MB21D2: variants seen among roughly 807,000 people sequenced by gnomAD.
The protein encoded by MB21D2 is Mab-21 domain containing 2.
A neutral mutation model predicts 33.3 loss-of-function variants in MB21D2; 9 were observed. That is an observed-to-expected ratio of 0.27 (90% confidence interval 0.16 to 0.47). The LOEUF (loss-of-function observed/expected upper bound fraction) is 0.47. Among genes scored for constraint, MB21D2 ranks in the 20% least tolerant of loss-of-function variants. The probability of loss-of-function intolerance (pLI) is 0.99; values close to 1 mark genes in which losing one functional copy is unlikely to be tolerated. For synonymous variants in MB21D2, 241 were observed against 236.3 expected, an observed-to-expected ratio of 1.02 and a Z score of -0.18; for missense variants, 540 against 624.6, an observed-to-expected ratio of 0.86 and a Z score of 1.44.
At chr3:192,875,032 A>C (rs1713399909) in intron 1 of MB21D2, among the ~76,000 whole-genome samples, 1 of 151,328 alleles carries the variant, frequency 6.6e-6, no homozygotes, top group Non-Finnish European at 1.5e-5. Context: ...AAAACAAAAA[A>C]CTCTTCTATT....
intron 1 of MB21D2, among the ~76,000 whole-genome samples, chr3:192,863,994 A>C (rs931240808): frequency 7.9e-5 from 12 of 152,302 alleles, no homozygotes; most frequent in African/African-American, 2.9e-4. Flanking sequence ...ACTCCCCACC[A>C]AGAAAATGTA....
At chr3:192,872,641 A>C (rs1435514747) in intron 1 of MB21D2, among the ~76,000 whole-genome samples, 1 of 152,132 alleles carries the variant, frequency 6.6e-6, no homozygotes, top group African/African-American at 2.4e-5. Flanking sequence ...AGAGAAAAGA[A>C]TCATGGATGA....
intron 1 of MB21D2, among the ~76,000 whole-genome samples, chr3:192,879,110 T>A (rs1178418299): frequency 6.6e-6 from 1 of 152,110 alleles, no homozygotes; most frequent in Admixed American, 6.5e-5. Flanking sequence ...TCCCTAAAAT[T>A]CACACTGATT....
chr3:192,831,696 C>T (rs921302743), intron 1 of MB21D2, among the ~76,000 whole-genome samples: 1 of 151,940 alleles, frequency 6.6e-6, no homozygotes, highest in South Asian at 2.1e-4. Flanking sequence ...TTCTAAGGTG[C>T]CTACTATTAT....
intron 1 of MB21D2, among the ~76,000 whole-genome samples, chr3:192,846,470 A>G (rs58934028): frequency 0.011 from 1,671 of 152,256 alleles, 103 homozygotes; most frequent in Admixed American, 0.098. Context: ...CCCTGCCCCA[A>G]TGCCACAAAC....
At chr3:192,854,686 G>C (rs1321407634) in intron 1 of MB21D2, among the ~76,000 whole-genome samples, 1 of 152,192 alleles carries the variant, frequency 6.6e-6, no homozygotes, top group Admixed American at 6.5e-5. Flanking sequence ...TAAAGGGCAG[G>C]CTGACTCTCT....
At chr3:192,910,298 CAAA>C (rs747554734) in intron 1 of MB21D2, among the ~76,000 whole-genome samples, 1 of 52,290 alleles carries the variant, frequency 1.9e-5, no homozygotes, top group Non-Finnish European at 5.1e-5. Context: ...ACCATCTCTA[CAAA>C]AAAAAAAAAA....
chr3:192,872,718 C>T (rs1713337683), intron 1 of MB21D2, among the ~76,000 whole-genome samples: 1 of 152,148 alleles, frequency 6.6e-6, no homozygotes, highest in African/African-American at 2.4e-5. Flanking sequence ...TTTCTCTGGG[C>T]TCATCTTTGG....
chr3:192,822,461 T>A (rs1456990809), intron 1 of MB21D2, among the ~76,000 whole-genome samples: 1 of 123,176 alleles, frequency 8.1e-6, no homozygotes, highest in Non-Finnish European at 1.8e-5. Flanking sequence ...CCCTTTTGGA[T>A]ATCCACATAG....
chr3:192,904,921 C>T (rs568098585), intron 1 of MB21D2, among the ~76,000 whole-genome samples: 1 of 152,328 alleles, frequency 6.6e-6, no homozygotes, highest in African/African-American at 2.4e-5. Context: ...CTAGGTGGAC[C>T]ATCTTTCTCA....
chr3:192,837,656 C>T (rs1560235483), intron 1 of MB21D2, among the ~76,000 whole-genome samples: 1 of 152,210 alleles, frequency 6.6e-6, no homozygotes, highest in Non-Finnish European at 1.5e-5. Flanking sequence ...GGGCCGTCTG[C>T]ATCTGAATCA....
At chr3:192,845,881 T>G (rs1712670959) in intron 1 of MB21D2, among the ~76,000 whole-genome samples, 4 of 151,956 alleles carry the variant, frequency 2.6e-5, no homozygotes, top group Non-Finnish European at 4.4e-5. Context: ...GAGTTCGAGA[T>G]CAGCCTGGGC....
At position 192,803,538 on chromosome 3, in the gene MB21D2, C is replaced by T. The variant is rs900773296; in HGVS notation, c.212-3888G>A. 3.9e-5 allele frequency among the ~76,000 whole-genome samples: 6 copies of T among 152,256 alleles called. No homozygotes were observed. In the South Asian group the frequency reaches 8.3e-4, roughly 21 times the overall value. The stretch of plus-strand genomic sequence containing the variant: ...GCCCATTAGTCTGCAATTTTACAAA[C>T]GATATGGTAACAGAACTCGAGCCTT... On this transcript the variant is annotated intron_variant, in intron 1 of 1. Transcript: ENST00000392452.
At chr3:192,870,921 G>A (rs766242088) in intron 1 of MB21D2, among the ~76,000 whole-genome samples, 1 of 152,200 alleles carries the variant, frequency 6.6e-6, no homozygotes, top group East Asian at 1.9e-4. Context: ...TCCAACCAAT[G>A]TGAGGACAGT....
intron 1 of MB21D2, among the ~76,000 whole-genome samples, chr3:192,907,101 G>C (rs2108654380): frequency 6.6e-6 from 1 of 152,306 alleles, no homozygotes; most frequent in East Asian, 1.9e-4. Flanking sequence ...CACTTAAGTG[G>C]ATGAAAAACA....
At chr3:192,811,524 A>C (rs1357959137) in intron 1 of MB21D2, among the ~76,000 whole-genome samples, 2 of 152,188 alleles carry the variant, frequency 1.3e-5, no homozygotes, top group African/African-American at 4.8e-5. Flanking sequence ...GATCCATTAC[A>C]AGTCTTATAA....
In MB21D2 at chr3:192,834,708, G is replaced by A. The variant is rs561935171; in HGVS notation, c.212-35058C>T. Among the ~76,000 whole-genome samples, 4 of 151,952 alleles carry A rather than the reference G, an allele frequency of 2.6e-5. No individual in the cohort carries two copies. In the South Asian group the frequency reaches 8.3e-4, roughly 31 times the overall value. ...AGCAAGACAAACTGGGAACACAAATGCAATGCTGGCAGAATTTCTTTCTGG... is the reference window on the plus strand; with the variant it reads ...AGCAAGACAAACTGGGAACACAAATACAATGCTGGCAGAATTTCTTTCTGG... On this transcript the variant is annotated intron_variant, in intron 1 of 1. Transcript: ENST00000392452.
rs114118761 is a variant in MB21D2 at position 192,892,275 on chromosome 3, T to G, written c.211+25355A>C. ...GGTCCCCACATCCAGTGACTGGGAG[T>G]TCAGATAATTTTGTCCCCATTTTAC... is the stretch of plus-strand genomic sequence containing the variant. On this transcript the variant is annotated intron_variant, in intron 1 of 1. Transcript: ENST00000392452. 2.6e-3 allele frequency among the ~76,000 whole-genome samples: 400 copies of G among 152,000 alleles called. 1 individual carries two copies. The highest frequency in any genetic ancestry group is 4.2e-3 in the Non-Finnish European group (286 of 67,984).
chr3:192,880,113 T>A (rs570631246), intron 1 of MB21D2, among the ~76,000 whole-genome samples: 28 of 152,072 alleles, frequency 1.8e-4, no homozygotes, highest in African/African-American at 6.7e-4. Context: ...GGGAGACCGA[T>A]GCAGGCAGAT....
Sources: gnomAD v4.1 joint callset for allele counts (sites outside exome capture counted in the v4.1 genomes callset) on GRCh38, gnomAD v4.1.1 for gene constraint, MANE v1.5 for transcripts, NCBI Gene and HGNC (gene_info 2026-07-23, HGNC 2026-07-21) for gene names.